LIN54: variants seen among roughly 807,000 people sequenced by gnomAD.
LIN54 encodes protein lin-54 homolog.
Under a neutral mutation model 78.7 loss-of-function variants are expected in LIN54, and 9 were observed. The ratio of observed to expected loss-of-function variants is 0.11; its 90% CI spans 0.07 to 0.20. The LOEUF is 0.20. LIN54 is among the 10% of genes least tolerant of loss of function. LIN54 has a pLI of 1.00. For synonymous variants in LIN54, 269 were observed against 318.4 expected (o/e 0.84, Z 1.65); for missense variants, 573 against 889.9 (o/e 0.64, Z 4.53).
chr4:82,956,884 A>G (rs994257094), intron 4 of LIN54, among the ~76,000 whole-genome samples: 2 of 152,086 alleles, frequency 1.3e-5, no homozygotes, highest in Admixed American at 6.5e-5. Context: ...CAGTCTCCCA[A>G]AAAGTGCTGA....
intron 4 of LIN54, among the ~76,000 whole-genome samples, chr4:82,956,584 C>T (rs192385772): frequency 1.1e-3 from 175 of 152,192 alleles, no homozygotes; most frequent in Non-Finnish European, 1.8e-3. Flanking sequence ...CACTGCACTC[C>T]TGCCTGGGTG....
chr4:82,945,062 A>G (rs1252840620), intron 5 of LIN54, among the ~76,000 whole-genome samples: 1 of 152,138 alleles, frequency 6.6e-6, no homozygotes, highest in Non-Finnish European at 1.5e-5. Flanking sequence ...GGGTTTCGCC[A>G]TGTTGGCCAG....
chr4:82,965,561 A>T (rs1207608668), intron 4 of LIN54, among the ~76,000 whole-genome samples: 1 of 152,248 alleles, frequency 6.6e-6, no homozygotes, highest in Non-Finnish European at 1.5e-5. Flanking sequence ...AGACCCAGGT[A>T]TCCATTACAG....
At chr4:82,964,013 T>C (rs547454202) in intron 4 of LIN54, among the ~76,000 whole-genome samples, 1 of 151,980 alleles carries the variant, frequency 6.6e-6, no homozygotes, top group Non-Finnish European at 1.5e-5. Context: ...TGACATTTTT[T>C]AACTTTCTTT....
rs147019171 is a variant in LIN54, at chr4:83,007,586, C to T, written c.-33+2898G>A. Among the ~76,000 whole-genome samples the T allele has an allele frequency of 1.1e-3, 170 of 152,226 alleles. 1 individual carries two copies. Among genetic ancestry groups the T allele is most frequent in the African/African-American group, 4.0e-3 (165 of 41,528 alleles). On this transcript the variant is annotated intron_variant, in intron 1 of 12. Coordinates refer to ENST00000340417, the MANE Select transcript of LIN54 (RefSeq NM_194282.4). ...TCCTGATTTCTCTGTGGTTTTACGG[C>T]ATCCGATAGTCTACTAAATGGCCAG...
At chr4:82,981,760 G>A (rs976717074) in intron 2 of LIN54, among the ~76,000 whole-genome samples, 2 of 152,080 alleles carry the variant, frequency 1.3e-5, no homozygotes, top group Admixed American at 1.3e-4. Flanking sequence ...CCCAGGTGCA[G>A]TGGCTTATGC....
intron 4 of LIN54, among the ~76,000 whole-genome samples, chr4:82,963,808 G>A (rs1017568763): frequency 1.3e-5 from 2 of 152,084 alleles, no homozygotes; most frequent in East Asian, 1.9e-4. Flanking sequence ...ATGAGACAAA[G>A]AGAAAACTAG....
At chr4:82,993,979 A>G (rs1288817395) in intron 1 of LIN54, among the ~76,000 whole-genome samples, 1 of 152,116 alleles carries the variant, frequency 6.6e-6, no homozygotes, top group East Asian at 1.9e-4. Context: ...TGACTTACAA[A>G]GCCTCCAATA....
intron 1 of LIN54, among the ~76,000 whole-genome samples, chr4:82,990,768 C>T (rs1050314129): frequency 6.6e-6 from 1 of 152,180 alleles, no homozygotes; most frequent in Admixed American, 6.5e-5. Context: ...CAGGCGTGAG[C>T]CACCGCGCCC....
At chr4:82,955,723 C>G (rs1724262436) in intron 4 of LIN54, among the ~76,000 whole-genome samples, 1 of 148,546 alleles carries the variant, frequency 6.7e-6, no homozygotes, top group African/African-American at 2.5e-5. Flanking sequence ...AGTTCAAGAC[C>G]AGCCTAGGCA....
intron 4 of LIN54, among the ~76,000 whole-genome samples, chr4:82,960,462 T>C (rs200198214): frequency 1.3e-5 from 2 of 151,790 alleles, no homozygotes; most frequent in Non-Finnish European, 2.9e-5. Flanking sequence ...GAGACAAGGT[T>C]TCACTCCATC....
chr4:82,992,889 A>G (rs980290088), intron 1 of LIN54, among the ~76,000 whole-genome samples: 14 of 151,670 alleles, frequency 9.2e-5, no homozygotes, highest in African/African-American at 3.1e-4. Context: ...TTAGCCGGGC[A>G]TGGTAGCAGG....
At position 83,010,473 on chromosome 4, in the gene LIN54, T is replaced by A; in HGVS notation, c.-33+11A>T. ...GACAGAGAAGCCCTCGGGTACCCCA[T>A]CCTCCTCTACCTCCAGCGGCTGCCG... On this transcript the variant is annotated intron_variant, in intron 1 of 12. Coordinates refer to ENST00000340417, the MANE Select transcript of LIN54 (RefSeq NM_194282.4). 4 of 948,852 alleles carry A rather than the reference T, an allele frequency of 4.2e-6. No homozygotes were observed. Among genetic ancestry groups the A allele is most frequent in the Non-Finnish European group, 4.9e-6 (4 of 820,502 alleles). 58.8% of individuals were successfully genotyped at this position (948,852 alleles called of 1,614,324 possible). A position where few individuals can be genotyped will look rare whatever the true frequency, so the allele number is the denominator to read the frequency against.
intron 1 of LIN54, among the ~76,000 whole-genome samples, chr4:82,998,193 A>C (rs934598567): frequency 6.6e-6 from 1 of 151,754 alleles, no homozygotes; most frequent in East Asian, 1.9e-4. Flanking sequence ...TCTTGTACAT[A>C]AAGTACTGAC....
intron 1 of LIN54, among the ~76,000 whole-genome samples, chr4:82,993,359 G>T (rs1043888981): frequency 5.3e-5 from 8 of 151,086 alleles, no homozygotes; most frequent in African/African-American, 1.9e-4. Flanking sequence ...TGGGATTATA[G>T]GCATGCGCCA....
intron 5 of LIN54, among the ~76,000 whole-genome samples, chr4:82,941,450 GT>G (rs928258642): frequency 1.1e-4 from 16 of 152,254 alleles, no homozygotes; most frequent in Admixed American, 7.8e-4. Context: ...GACCTTGAAT[GT>G]TAGGGTAGGA....
At chr4:82,976,736 A>T (rs1055833961) in intron 3 of LIN54, among the ~76,000 whole-genome samples, 1 of 152,190 alleles carries the variant, frequency 6.6e-6, no homozygotes, top group Non-Finnish European at 1.5e-5. Flanking sequence ...ATGGAAAAAG[A>T]CTGCAGTCTT....
chr4:82,933,718 G>A (rs995724923), intron 11 of LIN54, among the ~76,000 whole-genome samples: 3 of 152,254 alleles, frequency 2.0e-5, no homozygotes, highest in East Asian at 1.9e-4. Flanking sequence ...TATCTGTCCC[G>A]ACAAAATTTC....
chr4:83,007,381 T>C (rs984662725), intron 1 of LIN54, among the ~76,000 whole-genome samples: 1 of 152,094 alleles, frequency 6.6e-6, no homozygotes, highest in Admixed American at 6.6e-5. Flanking sequence ...GGAAAAAACA[T>C]GGAGATTCAA....
Sources: gnomAD v4.1 joint callset for allele counts (sites outside exome capture counted in the v4.1 genomes callset) on GRCh38, gnomAD v4.1.1 for gene constraint, MANE v1.5 for transcripts, NCBI Gene and HGNC (gene_info 2026-07-23, HGNC 2026-07-21) for gene names.